Variants in UBASH3B observed in about 807,000 individuals in gnomAD.
The protein encoded by UBASH3B is ubiquitin-associated and SH3 domain-containing protein B.
UBASH3B carries 37 observed loss-of-function variants against 83.4 expected under a neutral mutation model. The observed-to-expected ratio is 0.44, with a 90% CI of 0.34 to 0.58. UBASH3B has a LOEUF of 0.58. UBASH3B is among the 20% of genes least tolerant of loss of function. The probability of loss-of-function intolerance (pLI) is 0.01; values close to 1 mark genes in which losing one functional copy is unlikely to be tolerated. For synonymous variants in UBASH3B, 304 were observed against 318.3 expected (o/e 0.96, Z 0.48); for missense variants, 657 against 827.2 (o/e 0.79, Z 2.52).
chr11:122,810,566 G>A lies in UBASH3B; in HGVS notation c.*680G>A, dbSNP rs935993580. 1 of 152,558 alleles carries A rather than the reference G, an allele frequency of 6.6e-6. No individual in the cohort carries two copies. Among genetic ancestry groups the A allele is most frequent in the South Asian group, 2.1e-4 (1 of 4,818 alleles). 9.5% of individuals were successfully genotyped at this position (152,558 alleles called of 1,614,324 possible). A position where few individuals can be genotyped will look rare whatever the true frequency, so the allele number is the denominator to read the frequency against. The stretch of plus-strand genomic sequence containing the variant: ...CCCCCTCCTTGCTTCTGTGAAATGG[G>A]GAGACAAAGCACTTTTGCTCTCCAA... On this transcript the variant is annotated 3_prime_UTR_variant, in exon 14 of 14. Coordinates refer to ENST00000284273, the MANE Select transcript of UBASH3B (RefSeq NM_032873.5).
At chr11:122,789,012 T>C (rs1407129397) in intron 5 of UBASH3B, 88 bp from the exon 6 acceptor site, 5 of 1,248,104 alleles carry the variant, frequency 4.0e-6, no homozygotes, top group Non-Finnish European at 5.8e-6. Context: ...AGGTGTGCAG[T>C]ATTAATGCAG....
Position 122,656,310 on chromosome 11 carries a change from G to A in UBASH3B, c.161+100G>A, listed in dbSNP as rs1479688275. ...CCTCCCAGCGCCTGCGGGACAGGCAGCGCGCTCCCCGCTGCCCGAGACCTG... is the reference window on the plus strand; with the variant it reads ...CCTCCCAGCGCCTGCGGGACAGGCAACGCGCTCCCCGCTGCCCGAGACCTG... On this transcript the variant is annotated intron_variant, in intron 1 of 13. Transcript: ENST00000284273. 4.2e-6 allele frequency: 5 copies of A among 1,190,202 alleles called. No homozygotes were observed. The Admixed American group carries it at 1.7e-4, about 41-fold the overall frequency. The allele number at this position is 1,190,202 out of a possible 1,614,324, so 73.7% of individuals were successfully genotyped here.
At chr11:122,750,673 A>G (rs1328051830) in intron 1 of UBASH3B, among the ~76,000 whole-genome samples, 3 of 152,118 alleles carry the variant, frequency 2.0e-5, no homozygotes, top group African/African-American at 7.2e-5. Flanking sequence ...TCTAGAGTCC[A>G]TTTTTCATAA....
At chr11:122,752,776 C>T (rs1367203714) in intron 1 of UBASH3B, among the ~76,000 whole-genome samples, 5 of 152,120 alleles carry the variant, frequency 3.3e-5, no homozygotes, top group Non-Finnish European at 5.9e-5. Flanking sequence ...CAGTGGGACT[C>T]GAAAGCGACT....
intron 1 of UBASH3B, among the ~76,000 whole-genome samples, chr11:122,710,092 G>T (rs1864171800): frequency 6.7e-6 from 1 of 150,074 alleles, no homozygotes; most frequent in Non-Finnish European, 1.5e-5. Flanking sequence ...GGAGGCAGAG[G>T]CTGCAGTGAG....
In UBASH3B at chr11:122,760,363, T is replaced by G. The variant is rs193241080; in HGVS notation, c.162-15856T>G. Among the ~76,000 whole-genome samples the G allele has an allele frequency of 4.2e-3, 631 of 151,848 alleles. 5 individuals are homozygous for G. The highest frequency in any genetic ancestry group is 0.014 in the African/African-American group (565 of 41,356). ...ACCAACAGAGAAAGTTTTTTTTTTT[T>G]TTGTTATTGTTCTTTGAGATGGAGT... On this transcript the variant is annotated intron_variant, in intron 1 of 13. Coordinates refer to ENST00000284273, the MANE Select transcript of UBASH3B (RefSeq NM_032873.5).
At chr11:122,733,274 G>C (rs993669480) in intron 1 of UBASH3B, among the ~76,000 whole-genome samples, 1 of 152,112 alleles carries the variant, frequency 6.6e-6, no homozygotes, top group Non-Finnish European at 1.5e-5. Flanking sequence ...AGATCATCAC[G>C]AATACAAAGT....
chr11:122,807,787 C>T (rs929196446), intron 12 of UBASH3B, among the ~76,000 whole-genome samples: 2 of 152,140 alleles, frequency 1.3e-5, no homozygotes, highest in African/African-American at 2.4e-5. Context: ...CTCCTGAACT[C>T]AAGTGGTCCT....
chr11:122,670,015 T>C (rs1396287229), intron 1 of UBASH3B, among the ~76,000 whole-genome samples: 3 of 152,222 alleles, frequency 2.0e-5, no homozygotes, highest in Admixed American at 2.0e-4. Flanking sequence ...CTAGATTACA[T>C]GGAACTGGGG....
intron 11 of UBASH3B, 29 bp downstream of exon 11, chr11:122,801,361 G>A (rs1371925515): frequency 1.1e-5 from 18 of 1,610,280 alleles, no homozygotes; most frequent in Non-Finnish European, 1.4e-5. Context: ...TGCTTACTGA[G>A]GCCAGTGTGG....
chr11:122,809,624 A>G (rs942403920), intron 13 of UBASH3B, 125 bp from the exon 14 acceptor site: 3 of 970,856 alleles, frequency 3.1e-6, no homozygotes, highest in Non-Finnish European at 4.6e-6. Flanking sequence ...ATGCATTTCT[A>G]CAAAGCCACT....
chr11:122,785,714 AC>A (rs1305831158), intron 5 of UBASH3B, among the ~76,000 whole-genome samples: 1 of 152,198 alleles, frequency 6.6e-6, no homozygotes, highest in African/African-American at 2.4e-5. Flanking sequence ...GGTTAAATTC[AC>A]TTTGACAACT....
intron 1 of UBASH3B, among the ~76,000 whole-genome samples, chr11:122,705,122 A>G (rs1351260612): frequency 6.6e-6 from 1 of 152,182 alleles, no homozygotes; most frequent in Non-Finnish European, 1.5e-5. Flanking sequence ...AGCCGGACTC[A>G]TGAGTCCCAG....
intron 1 of UBASH3B, among the ~76,000 whole-genome samples, chr11:122,664,366 T>C (rs1403357430): frequency 1.3e-5 from 2 of 152,114 alleles, no homozygotes; most frequent in Non-Finnish European, 2.9e-5. Flanking sequence ...CACTCAAGAA[T>C]GGATCCTCTC....
intron 1 of UBASH3B, among the ~76,000 whole-genome samples, chr11:122,707,696 TTTTA>T (rs1428710411): frequency 1.3e-5 from 2 of 152,068 alleles, no homozygotes; most frequent in African/African-American, 4.8e-5. Context: ...TAATTTTTAT[TTTTA>T]TTTATTTATT....
At chr11:122,754,570 T>C (rs1339039984) in intron 1 of UBASH3B, among the ~76,000 whole-genome samples, 3 of 152,172 alleles carry the variant, frequency 2.0e-5, no homozygotes, top group East Asian at 3.9e-4. Context: ...TTATGTTGCA[T>C]TGGGTGTTGT....
At chr11:122,732,479 G>A (rs925840473) in intron 1 of UBASH3B, among the ~76,000 whole-genome samples, 2 of 152,212 alleles carry the variant, frequency 1.3e-5, no homozygotes, top group Admixed American at 1.3e-4. Flanking sequence ...CCCAGGCCCT[G>A]CACGTTGTAA....
At chr11:122,789,822 T>C (rs946787562) in intron 6 of UBASH3B, among the ~76,000 whole-genome samples, 1 of 152,146 alleles carries the variant, frequency 6.6e-6, no homozygotes, top group Non-Finnish European at 1.5e-5. Context: ...AAAGACCATG[T>C]CTAAGGGAAC....
At chr11:122,751,107 C>G (rs1421524528) in intron 1 of UBASH3B, among the ~76,000 whole-genome samples, 1 of 64,058 alleles carries the variant, frequency 1.6e-5, no homozygotes, top group Non-Finnish European at 5.2e-5. Context: ...TTTACGCTTC[C>G]CGGCCTCTCA....
Sources: gnomAD v4.1 joint callset for allele counts (sites outside exome capture counted in the v4.1 genomes callset) on GRCh38, gnomAD v4.1.1 for gene constraint, MANE v1.5 for transcripts, NCBI Gene and HGNC (gene_info 2026-07-23, HGNC 2026-07-21) for gene names.